Variants in TLN2 observed in about 807,000 individuals in gnomAD.
TLN2 encodes the protein talin-2.
In TLN2, 118 loss-of-function variants were observed where a neutral mutation model predicts 294.7. The ratio of observed to expected loss-of-function variants is 0.40; its 90% CI spans 0.34 to 0.47. The LOEUF (loss-of-function observed/expected upper bound fraction) is 0.47, where lower values mean the gene tolerates loss of function less well. TLN2 is among the 20% of genes least tolerant of loss of function. The pLI, the probability that TLN2 is intolerant of heterozygous loss-of-function variation, is 0.84. For missense variants in TLN2, 3,083 were observed against 3,282.2 expected (o/e 0.94, Z 1.48); for synonymous variants, 1,431 against 1,304.5 (o/e 1.10, Z -2.09).
At chr15:62,757,819 G>T (rs957599431) in intron 37 of TLN2, among the ~76,000 whole-genome samples, 1 of 152,180 alleles carries the variant, frequency 6.6e-6, no homozygotes, top group South Asian at 2.1e-4. Flanking sequence ...CTGCCCCTCC[G>T]CGTGTGGAAA....
intron 1 of TLN2, among the ~76,000 whole-genome samples, chr15:62,528,217 T>G (rs1450256988): frequency 1.3e-5 from 2 of 152,206 alleles, no homozygotes; most frequent in African/African-American, 4.8e-5. Flanking sequence ...AATGGATATG[T>G]CAAAACATAT....
chr15:62,721,009 G>A (rs2140916098), intron 25 of TLN2, among the ~76,000 whole-genome samples: 1 of 152,230 alleles, frequency 6.6e-6, no homozygotes, highest in Non-Finnish European at 1.5e-5. Flanking sequence ...CCATTTGTGG[G>A]TACTGTCTCC....
chr15:62,602,918 A>T (rs1288014055), intron 2 of TLN2, among the ~76,000 whole-genome samples: 1 of 148,654 alleles, frequency 6.7e-6, no homozygotes, highest in African/African-American at 2.5e-5. Flanking sequence ...TTTGAGACTG[A>T]GTCTCGCTCT....
intron 46 of TLN2, among the ~76,000 whole-genome samples, chr15:62,794,377 G>C (rs2065309607): frequency 6.6e-6 from 1 of 152,164 alleles, no homozygotes; most frequent in Admixed American, 6.5e-5. Flanking sequence ...TGACTTGTCT[G>C]CCTTTGTGTC....
chr15:62,492,374 C>T lies in TLN2; in HGVS notation c.-237-97313C>T, dbSNP rs59792719. ...GAGATCGAGACCATCCTGGCTAACA[C>T]GGTGAAACCCCGTCTCTAATAAAAA... On this transcript the variant is annotated intron_variant, in intron 1 of 58. Coordinates refer to ENST00000636159, the MANE Select transcript of TLN2 (RefSeq NM_015059.3). Among the ~76,000 whole-genome samples, 1,051 of 151,760 alleles carry T rather than the reference C, an allele frequency of 6.9e-3. 10 individuals are homozygous for T. Among genetic ancestry groups the T allele is most frequent in the African/African-American group, 0.024 (997 of 41,446 alleles).
At chr15:62,575,314 T>C (rs1171218350) in intron 1 of TLN2, among the ~76,000 whole-genome samples, 1 of 152,170 alleles carries the variant, frequency 6.6e-6, no homozygotes, top group Non-Finnish European at 1.5e-5. Context: ...AGCAAGACCC[T>C]ATCTCCAAAA....
rs867257148 is a variant in TLN2, at chr15:62,582,195, T to C, written c.-237-7492T>C. 4.3e-3 allele frequency among the ~76,000 whole-genome samples: 284 copies of C among 66,494 alleles called. 1 individual carries two copies. The highest frequency in any genetic ancestry group is 6.3e-3 in the Non-Finnish European group (216 of 34,240). The allele number at this position is 66,494 out of a possible 152,430, so 43.6% of individuals were successfully genotyped here. The stretch of plus-strand genomic sequence containing the variant: ...CATAACTTCAGTGCATGTGTATGCA[T>C]ACACACACACACACACACACACACA... On this transcript the variant is annotated intron_variant, in intron 1 of 58. Coordinates refer to ENST00000636159, the MANE Select transcript of TLN2 (RefSeq NM_015059.3).
chr15:62,403,350 C>G (rs1310322967), intron 1 of TLN2, among the ~76,000 whole-genome samples: 1 of 152,218 alleles, frequency 6.6e-6, no homozygotes, highest in Admixed American at 6.5e-5. Context: ...GTCATACTCA[C>G]TGACACCATT....
intron 40 of TLN2, 48 bp from the exon 41 acceptor site, chr15:62,766,273 C>T: frequency 6.5e-7 from 1 of 1,541,010 alleles, no homozygotes; most frequent in Non-Finnish European, 8.9e-7. Context: ...CAGTGCAGCT[C>T]TGTGGGGAGC....
At chr15:62,492,796 A>G (rs573420056) in intron 1 of TLN2, among the ~76,000 whole-genome samples, 31 of 152,332 alleles carry the variant, frequency 2.0e-4, no homozygotes, top group African/African-American at 7.0e-4. Context: ...GAATTTGAGT[A>G]ATCAAAGAAT....
At chr15:62,685,997 T>G (rs533770905) in intron 11 of TLN2, among the ~76,000 whole-genome samples, 2 of 150,860 alleles carry the variant, frequency 1.3e-5, no homozygotes, top group African/African-American at 5.0e-5. Context: ...TCCTAAATTA[T>G]TAATCTGTCT....
chr15:62,542,460 G>A (rs188386099), intron 1 of TLN2, among the ~76,000 whole-genome samples: 12 of 152,300 alleles, frequency 7.9e-5, no homozygotes, highest in African/African-American at 2.9e-4. Flanking sequence ...AAAGTGCTGG[G>A]ATTACAGGTG....
intron 54 of TLN2, chr15:62,823,853 C>T: frequency 2.3e-6 from 1 of 440,378 alleles, no homozygotes; most frequent in Middle Eastern, 3.4e-4. Context: ...GACTTGTGCT[C>T]CAAAGACAGT....
At chr15:62,546,791 A>G (rs976075191) in intron 1 of TLN2, among the ~76,000 whole-genome samples, 2 of 152,214 alleles carry the variant, frequency 1.3e-5, no homozygotes, top group African/African-American at 4.8e-5. Flanking sequence ...ATGGCTTACA[A>G]TAAAGCTCAA....
intron 1 of TLN2, among the ~76,000 whole-genome samples, chr15:62,514,498 T>C (rs1384664381): frequency 1.3e-5 from 2 of 152,310 alleles, no homozygotes; most frequent in South Asian, 2.1e-4. Flanking sequence ...TGATTAAGAG[T>C]GGTAATTAAT....
intron 1 of TLN2, among the ~76,000 whole-genome samples, chr15:62,423,375 AAC>A (rs1465428160): frequency 1.3e-5 from 2 of 151,622 alleles, no homozygotes; most frequent in African/African-American, 4.8e-5. Flanking sequence ...TTTTTTAAAA[AAC>A]AAAACAAAAC....
chr15:62,509,449 T>G (rs919278091), intron 1 of TLN2, among the ~76,000 whole-genome samples: 1 of 152,228 alleles, frequency 6.6e-6, no homozygotes, highest in African/African-American at 2.4e-5. Flanking sequence ...CATACCCAGC[T>G]GGCATCTCAA....
intron 45 of TLN2, among the ~76,000 whole-genome samples, chr15:62,788,363 A>G (rs1324868050): frequency 6.6e-6 from 1 of 152,164 alleles, no homozygotes. Context: ...TAGTAAAACA[A>G]AATGTTCTGG....
chr15:62,426,534 G>A (rs1418933524), intron 1 of TLN2, among the ~76,000 whole-genome samples: 2 of 152,194 alleles, frequency 1.3e-5, no homozygotes, highest in Admixed American at 1.3e-4. Context: ...GACCCAGACA[G>A]ACCTCAGCCT....
Sources: allele counts gnomAD v4.1 joint callset (sites outside exome capture counted in the v4.1 genomes callset), GRCh38; gene constraint gnomAD v4.1.1; transcripts MANE v1.5; gene names NCBI Gene and HGNC (gene_info 2026-07-23, HGNC 2026-07-21).